AGBL3: variants seen among roughly 807,000 people sequenced by gnomAD.
AGBL3 encodes AGBL carboxypeptidase 3.
In AGBL3, 68 loss-of-function variants were observed where a neutral mutation model predicts 94.5. The observed-to-expected ratio is 0.72, with a 90% CI of 0.59 to 0.88. The LOEUF (loss-of-function observed/expected upper bound fraction) is 0.88. AGBL3 is among the 40% of genes least tolerant of loss of function. The pLI is 0.00. For synonymous variants in AGBL3, 354 were observed against 370.7 expected, an observed-to-expected ratio of 0.95 and a Z score of 0.52; for missense variants, 934 against 1,103.8, an observed-to-expected ratio of 0.85 and a Z score of 2.18.
chr7:134,995,401 AGCCCTCACTTTCAGCCGTCATTTT>A (rs1810883712), intron 4 of AGBL3: 1 of 152,166 alleles, frequency 6.6e-6, no homozygotes, highest in Admixed American at 6.6e-5. Context: ...TAAATTTCCT[AGCCCTCACTTTCAGCCGTCATTTT>A]GCCCTCAGTC....
chr7:135,107,731 C>CT (rs1824964495), intron 15 of AGBL3, among the ~76,000 whole-genome samples: 1 of 152,148 alleles, frequency 6.6e-6, no homozygotes, highest in Non-Finnish European at 1.5e-5. Flanking sequence ...TCTATCAGAT[C>CT]TATTTGGTCC....
At chr7:135,110,700 A>AT (rs1387875191) in intron 15 of AGBL3, among the ~76,000 whole-genome samples, 1 of 152,096 alleles carries the variant, frequency 6.6e-6, no homozygotes, top group East Asian at 1.9e-4. Context: ...GTACCTGGAT[A>AT]TTTCAGTTGA....
In AGBL3 at chr7:135,072,427, G is replaced by A. The variant is rs191555585; in HGVS notation, c.1909-3970G>A. 2.3e-3 allele frequency among the ~76,000 whole-genome samples: 349 copies of A among 152,232 alleles called. 1 individual carries two copies. The highest frequency in any genetic ancestry group is 7.7e-3 in the African/African-American group (320 of 41,540). The stretch of plus-strand genomic sequence containing the variant: ...TCCCATTACTGGGTATATACCCAGA[G>A]GATTATAAAACATGCTGCTATAAAG... On this transcript the variant is annotated intron_variant, in intron 12 of 16. Coordinates refer to ENST00000436302, the MANE Select transcript of AGBL3 (RefSeq NM_178563.4).
intron 1 of AGBL3, among the ~76,000 whole-genome samples, chr7:134,987,467 C>G (rs1159189393): frequency 1.3e-5 from 2 of 152,148 alleles, no homozygotes; most frequent in Non-Finnish European, 2.9e-5. Flanking sequence ...GTCACTTGAA[C>G]TTTTGGTCAA....
intron 11 of AGBL3, among the ~76,000 whole-genome samples, chr7:135,053,433 C>A (rs536761789): frequency 6.6e-6 from 1 of 152,158 alleles, no homozygotes; most frequent in South Asian, 2.1e-4. Flanking sequence ...CATGGATAAA[C>A]CCCATCTCTA....
chr7:135,021,054 T>A (rs13308435), intron 5 of AGBL3, among the ~76,000 whole-genome samples: 496 of 17,572 alleles, frequency 0.028, 2 homozygotes, highest in East Asian at 0.035. Flanking sequence ...ACTTAAATAA[T>A]AAAAAAAAAA....
rs1813896462 is a variant in AGBL3 at position 135,017,175 on chromosome 7, C to T, written c.418+16C>T. 1 of 1,456,950 alleles carries T rather than the reference C, an allele frequency of 6.9e-7. No individual in the cohort carries two copies. Among genetic ancestry groups the T allele is most frequent in the Non-Finnish European group, 9.4e-7 (1 of 1,060,248 alleles). 90.3% of individuals were successfully genotyped at this position (1,456,950 alleles called of 1,614,324 possible). A position where few individuals can be genotyped will look rare whatever the true frequency, so the allele number is the denominator to read the frequency against. ...GCTGAAGATGGTGAGCACATAATGA[C>T]ACATGTTGCTGTAAAATATAATTTG... On this transcript the variant is annotated intron_variant, in intron 5 of 16. Transcript: ENST00000436302.
intron 15 of AGBL3, among the ~76,000 whole-genome samples, chr7:135,114,029 T>C (rs1432983090): frequency 1.3e-5 from 2 of 152,260 alleles, no homozygotes; most frequent in East Asian, 3.8e-4. Flanking sequence ...CATTTGTCAG[T>C]ATTTCCTTCC....
intron 4 of AGBL3, among the ~76,000 whole-genome samples, chr7:134,999,453 CAACA>C (rs1811436390): frequency 6.6e-6 from 1 of 152,276 alleles, no homozygotes; most frequent in Admixed American, 6.5e-5. Flanking sequence ...AGAAATATGC[CAACA>C]ATCAGCCCAT....
chr7:135,128,967 T>C, intron 16 of AGBL3: 1 of 1,583,152 alleles, frequency 6.3e-7, no homozygotes, highest in African/African-American at 1.3e-5. Flanking sequence ...TGAATGCATG[T>C]ACTTCTTGGA....
intron 11 of AGBL3, among the ~76,000 whole-genome samples, chr7:135,056,551 A>G (rs893396823): frequency 1.3e-5 from 2 of 152,110 alleles, no homozygotes; most frequent in Admixed American, 6.6e-5. Flanking sequence ...TTATAGAAGG[A>G]TTTAAAGATA....
At chr7:135,094,524 CT>C in intron 15 of AGBL3, 1 of 456,660 alleles carries the variant, frequency 2.2e-6, no homozygotes, top group Non-Finnish European at 4.4e-6. Flanking sequence ...TTTTTGTGGA[CT>C]TTATCTTCAG....
chr7:135,015,503 A>T (rs917336039), intron 4 of AGBL3, among the ~76,000 whole-genome samples: 1 of 152,134 alleles, frequency 6.6e-6, no homozygotes, highest in Non-Finnish European at 1.5e-5. Flanking sequence ...TGGGTATCAG[A>T]AGTGGGTTAC....
chr7:135,100,205 A>C (rs1202668721), intron 15 of AGBL3: 1 of 151,992 alleles, frequency 6.6e-6, no homozygotes, highest in Non-Finnish European at 1.5e-5. Flanking sequence ...AAAAAAAAAA[A>C]AACACTGGTG....
At chr7:135,019,261 T>G (rs1814151458) in intron 5 of AGBL3, among the ~76,000 whole-genome samples, 1 of 152,228 alleles carries the variant, frequency 6.6e-6, no homozygotes, top group South Asian at 2.1e-4. Context: ...CATATATATA[T>G]GATATAGTGA....
chr7:135,016,890 G>A (rs1372855789), intron 4 of AGBL3, among the ~76,000 whole-genome samples, 162 bp from the exon 5 acceptor site: 1 of 152,068 alleles, frequency 6.6e-6, no homozygotes, highest in Non-Finnish European at 1.5e-5. Context: ...ATTACAGTGT[G>A]ACAATATTCA....
chr7:135,067,231 C>T (rs1048190786), intron 12 of AGBL3, among the ~76,000 whole-genome samples: 6 of 152,312 alleles, frequency 3.9e-5, no homozygotes, highest in African/African-American at 7.2e-5. Context: ...GTAAACAAAG[C>T]GGCCAGGAAG....
At chr7:135,069,490 G>C (rs951916610) in intron 12 of AGBL3, among the ~76,000 whole-genome samples, 5 of 152,146 alleles carry the variant, frequency 3.3e-5, no homozygotes, top group African/African-American at 1.2e-4. Context: ...GCACTCCTCA[G>C]CAAATGTAAA....
intron 12 of AGBL3, among the ~76,000 whole-genome samples, chr7:135,067,474 T>C (rs1031482936): frequency 5.3e-5 from 8 of 152,102 alleles, no homozygotes; most frequent in Non-Finnish European, 8.8e-5. Flanking sequence ...AGTAGCCTAA[T>C]TGGGAGGCAC....
Sources: gnomAD v4.1 joint callset for allele counts (sites outside exome capture counted in the v4.1 genomes callset) on GRCh38, gnomAD v4.1.1 for gene constraint, MANE v1.5 for transcripts, NCBI Gene and HGNC (gene_info 2026-07-23, HGNC 2026-07-21) for gene names.